The following FYN variants were observed in gnomAD, a reference collection of about 807,000 sequenced individuals.
FYN encodes the protein FYN proto-oncogene, Src family tyrosine kinase.
Under a neutral mutation model 70.2 loss-of-function variants are expected in FYN, and 10 were observed. The ratio of observed to expected loss-of-function variants is 0.14; its 90% CI spans 0.09 to 0.24. The LOEUF is 0.24. Ranked by LOEUF, FYN falls within the 10% of genes least tolerant of loss-of-function variation. FYN has a pLI of 1.00. For synonymous variants in FYN, 236 were observed against 248.6 expected (o/e 0.95, Z 0.48); for missense variants, 319 against 673.1 (o/e 0.47, Z 5.82).
intron 2 of FYN, among the ~76,000 whole-genome samples, chr6:111,799,686 C>T (rs1310325025): frequency 1.3e-5 from 2 of 152,202 alleles, no homozygotes; most frequent in Non-Finnish European, 2.9e-5. Context: ...CTCAGTTCTC[C>T]GTTTCATGAT....
At chr6:111,839,347 A>G (rs1485491975) in intron 2 of FYN, among the ~76,000 whole-genome samples, 1 of 152,130 alleles carries the variant, frequency 6.6e-6, no homozygotes, top group Non-Finnish European at 1.5e-5. Flanking sequence ...ACAGAAATCC[A>G]GATCTCCTAT....
intron 3 of FYN, among the ~76,000 whole-genome samples, chr6:111,734,037 T>C (rs1257839970): frequency 2.0e-5 from 3 of 152,090 alleles, no homozygotes; most frequent in Admixed American, 6.5e-5. Context: ...CAATGAGCCA[T>C]GTTCGTGCTA....
Position 111,800,731 on chromosome 6 carries a change from C to A in FYN, c.-81-20096G>T, listed in dbSNP as rs564268156. ...GGTTATTTTGCAGTGACACAGAGCT[C>A]TGCCTCAAATGTCTGGAAGCCCAGC... On this transcript the variant is annotated intron_variant, in intron 2 of 13. Coordinates refer to ENST00000354650, the MANE Select transcript of FYN (RefSeq NM_002037.5). Among the ~76,000 whole-genome samples, 3 of 152,280 alleles carry A rather than the reference C, an allele frequency of 2.0e-5. No homozygotes were observed. In the East Asian group the frequency reaches 5.8e-4, roughly 29 times the overall value.
chr6:111,741,379 T>A (rs1389450613), intron 3 of FYN, among the ~76,000 whole-genome samples: 2 of 152,196 alleles, frequency 1.3e-5, no homozygotes, highest in African/African-American at 2.4e-5. Flanking sequence ...TATGGTGAGA[T>A]GTTTATGTAT....
chr6:111,753,982 T>C (rs1456681700), intron 3 of FYN, among the ~76,000 whole-genome samples: 1 of 152,140 alleles, frequency 6.6e-6, no homozygotes, highest in East Asian at 1.9e-4. Context: ...CTAGGGAGGT[T>C]AGTAGGAAGA....
chr6:111,714,562 A>C (rs545633202), intron 4 of FYN, 119 bp from the exon 5 acceptor site: 23 of 734,490 alleles, frequency 3.1e-5, no homozygotes, highest in Admixed American at 2.0e-4. Flanking sequence ...CACTAATAAC[A>C]TGATGAAGTG....
intron 2 of FYN, among the ~76,000 whole-genome samples, chr6:111,791,009 ATTT>A (rs113743323): frequency 1.3e-5 from 2 of 151,962 alleles, no homozygotes; most frequent in African/African-American, 2.4e-5. Context: ...TGAACCACCA[ATTT>A]TTTTTGTTTT....
At chr6:111,837,334 CT>C (rs994069305) in intron 2 of FYN, among the ~76,000 whole-genome samples, 6 of 151,108 alleles carry the variant, frequency 4.0e-5, no homozygotes, top group East Asian at 1.9e-4. Context: ...TTCAGTTTTG[CT>C]TTTTTTTTAA....
At chr6:111,704,156 C>T in intron 6 of FYN, 54 bp from the exon 7 acceptor site, 1 of 1,457,074 alleles carries the variant, frequency 6.9e-7, no homozygotes, top group South Asian at 1.2e-5. Flanking sequence ...TTACAAAATG[C>T]AACAGCATAG....
intron 4 of FYN, chr6:111,719,570 T>G (rs148772529): frequency 1.4e-5 from 7 of 487,434 alleles, no homozygotes; most frequent in Non-Finnish European, 2.6e-5. Flanking sequence ...CTAACCCATA[T>G]AGAATCCTCA....
chr6:111,833,609 T>G (rs1384643261), intron 2 of FYN, among the ~76,000 whole-genome samples: 1 of 152,192 alleles, frequency 6.6e-6, no homozygotes, highest in East Asian at 1.9e-4. Flanking sequence ...CAAGCTAACC[T>G]TTCATGCTTT....
At chr6:111,682,131 G>A (rs1031608217) in intron 12 of FYN, among the ~76,000 whole-genome samples, 2 of 152,242 alleles carry the variant, frequency 1.3e-5, no homozygotes, top group Non-Finnish European at 2.9e-5. Flanking sequence ...CAGCCAGGCA[G>A]TAAGTTATCT....
chr6:111,674,246 G>A (rs956919872), intron 13 of FYN, among the ~76,000 whole-genome samples: 1 of 152,180 alleles, frequency 6.6e-6, no homozygotes, highest in Non-Finnish European at 1.5e-5. Context: ...ATGAACTGGA[G>A]GGGGACTGAA....
At chr6:111,673,247 C>T (rs946455927) in intron 13 of FYN, among the ~76,000 whole-genome samples, 8 of 152,124 alleles carry the variant, frequency 5.3e-5, no homozygotes, top group African/African-American at 1.9e-4. Context: ...TGCTGGTTGG[C>T]GATTCCCGGA....
intron 1 of FYN, among the ~76,000 whole-genome samples, chr6:111,871,774 C>T (rs901183060): frequency 2.0e-5 from 3 of 152,206 alleles, no homozygotes; most frequent in Admixed American, 6.5e-5. Flanking sequence ...GGGAGGCTAC[C>T]TTAAAAGTAA....
At chr6:111,805,619 C>T (rs1356643808) in intron 2 of FYN, among the ~76,000 whole-genome samples, 1 of 152,114 alleles carries the variant, frequency 6.6e-6, no homozygotes, top group Non-Finnish European at 1.5e-5. Flanking sequence ...CACAGCATTA[C>T]ACATCCCACC....
chr6:111,759,490 C>T (rs906907812), intron 3 of FYN, among the ~76,000 whole-genome samples: 1 of 152,182 alleles, frequency 6.6e-6, no homozygotes, highest in Non-Finnish European at 1.5e-5. Flanking sequence ...TGGTGCTAAC[C>T]GAACGGAGGC....
rs143380113 is a variant in FYN, at chr6:111,787,888, C to T, written c.-81-7253G>A. 4.0e-4 allele frequency among the ~76,000 whole-genome samples: 61 copies of T among 152,338 alleles called. 1 individual carries two copies. Among genetic ancestry groups the T allele is most frequent in the African/African-American group, 1.4e-3 (59 of 41,580 alleles). On this transcript the variant is annotated intron_variant, in intron 2 of 13. Transcript: ENST00000354650. ...CTGCTAGAAAGACCAATGACTTCCA[C>T]AAACTTTTCAGCTTTGCACTCAAAG...
At chr6:111,793,097 A>G (rs995597080) in intron 2 of FYN, among the ~76,000 whole-genome samples, 2 of 152,228 alleles carry the variant, frequency 1.3e-5, no homozygotes, top group South Asian at 2.1e-4. Context: ...CAGAGCTCTT[A>G]TAAGTATCGA....
Sources: gnomAD v4.1 joint callset for allele counts (sites outside exome capture counted in the v4.1 genomes callset) on GRCh38, gnomAD v4.1.1 for gene constraint, MANE v1.5 for transcripts, NCBI Gene and HGNC (gene_info 2026-07-23, HGNC 2026-07-21) for gene names.